The following GNA12 variants were observed in gnomAD, a reference collection of about 807,000 sequenced individuals.
The protein encoded by GNA12 is guanine nucleotide-binding protein subunit alpha-12.
A neutral mutation model predicts 26.0 loss-of-function variants in GNA12; 9 were observed. The observed-to-expected ratio is 0.35, with a 90% CI of 0.21 to 0.60. The LOEUF is 0.60. Ranked by LOEUF, GNA12 falls within the 20% of genes least tolerant of loss-of-function variation. The pLI is 0.78. For missense variants in GNA12, 405 were observed against 525.8 expected (o/e 0.77, Z 2.25); for synonymous variants, 264 against 219.6 (o/e 1.20, Z -1.79).
chr7:2,748,800 A>T (rs1007186285), intron 2 of GNA12, among the ~76,000 whole-genome samples: 1 of 152,024 alleles, frequency 6.6e-6, no homozygotes. Context: ...CAATGAACTC[A>T]AACAAATTTA....
At chr7:2,774,595 G>A (rs564961931) in intron 2 of GNA12, among the ~76,000 whole-genome samples, 1 of 152,182 alleles carries the variant, frequency 6.6e-6, no homozygotes, top group South Asian at 2.1e-4. Flanking sequence ...GGGGGTCCAG[G>A]TTGCTAATGT....
At chr7:2,836,527 C>G (rs1325011786) in intron 1 of GNA12, among the ~76,000 whole-genome samples, 1 of 152,118 alleles carries the variant, frequency 6.6e-6, no homozygotes. Context: ...CCAAAAGGTA[C>G]AGAGAAAAAG....
chr7:2,736,629 G>A (rs1271160067), intron 2 of GNA12, among the ~76,000 whole-genome samples: 1 of 152,240 alleles, frequency 6.6e-6, no homozygotes, highest in Non-Finnish European at 1.5e-5. Context: ...ACACTGGGCA[G>A]GACCTAGGCC....
At chr7:2,835,422 C>G (rs531740925) in intron 1 of GNA12, among the ~76,000 whole-genome samples, 15 of 152,338 alleles carry the variant, frequency 9.8e-5, no homozygotes, top group Non-Finnish European at 1.6e-4. Context: ...GTTGCCGGTC[C>G]CTTTAACTGG....
At chr7:2,799,025 A>G (rs1168032718) in intron 1 of GNA12, among the ~76,000 whole-genome samples, 1 of 152,214 alleles carries the variant, frequency 6.6e-6, no homozygotes, top group Non-Finnish European at 1.5e-5. Context: ...ATCAAATCAA[A>G]ATGTAGAACT....
At chr7:2,760,851 G>A (rs776666716) in intron 2 of GNA12, among the ~76,000 whole-genome samples, 8 of 152,222 alleles carry the variant, frequency 5.3e-5, no homozygotes, top group Non-Finnish European at 5.9e-5. Context: ...AGAGGCTGGT[G>A]ACACGAGGAA....
chr7:2,754,558 C>G (rs1326990980), intron 2 of GNA12, among the ~76,000 whole-genome samples: 3 of 149,052 alleles, frequency 2.0e-5, no homozygotes, highest in Non-Finnish European at 4.4e-5. Context: ...ACCTGGGCAA[C>G]ATAGTGAGAC....
At chr7:2,838,817 T>TA (rs1562452601) in intron 1 of GNA12, among the ~76,000 whole-genome samples, 1 of 152,196 alleles carries the variant, frequency 6.6e-6, no homozygotes, top group African/African-American at 2.4e-5. Context: ...CATTACATAA[T>TA]AAAAAAGGTT....
chr7:2,801,520 C>T (rs1057117527), intron 1 of GNA12, among the ~76,000 whole-genome samples: 34 of 152,264 alleles, frequency 2.2e-4, no homozygotes, highest in Middle Eastern at 3.4e-3. Context: ...CCGCACAATC[C>T]GCCCAAGCAG....
rs369092859 is a variant in GNA12, at chr7:2,798,462, T to A, written c.310-3319A>T. 2.0e-5 allele frequency among the ~76,000 whole-genome samples: 3 copies of A among 152,158 alleles called. No homozygotes were observed. In the South Asian group the frequency reaches 6.2e-4, roughly 31 times the overall value. On this transcript the variant is annotated intron_variant, in intron 1 of 3. Coordinates refer to ENST00000275364, the MANE Select transcript of GNA12 (RefSeq NM_007353.3). Reference sequence around the variant, plus strand: ...ACTAAAAAAACGAAACAGGTATAAATCTAACAAAATATGTGTAGGACTTAT... The same window carrying A: ...ACTAAAAAAACGAAACAGGTATAAAACTAACAAAATATGTGTAGGACTTAT...
intron 1 of GNA12, among the ~76,000 whole-genome samples, chr7:2,843,480 A>C (rs1327304123): frequency 6.6e-6 from 1 of 151,682 alleles, no homozygotes; most frequent in Non-Finnish European, 1.5e-5. Flanking sequence ...CCCCATCTCT[A>C]CAAAAAAAAA....
At chr7:2,839,894 G>A (rs1028549230) in intron 1 of GNA12, among the ~76,000 whole-genome samples, 1 of 152,118 alleles carries the variant, frequency 6.6e-6, no homozygotes, top group Non-Finnish European at 1.5e-5. Context: ...AGCTACCTGG[G>A]AGGCTGGGAC....
Position 2,731,175 on chromosome 7 carries a change from C to T in GNA12, c.*6G>A. 6.3e-7 allele frequency: 1 copy of T among 1,596,514 alleles called. No individual in the cohort carries two copies. Among genetic ancestry groups the T allele is most frequent in the Non-Finnish European group, 8.6e-7 (1 of 1,168,424 alleles). ...TCAACGACGACAAACCCCGGGGCTT[C>T]CTCGCTCACTGCAGCATGATGTCCT... On this transcript the variant is annotated 3_prime_UTR_variant, in exon 4 of 4. Coordinates refer to ENST00000275364, the MANE Select transcript of GNA12 (RefSeq NM_007353.3). This position sits in a 1 kb window ranked among gnomAD's most constrained non-coding sequence, Gnocchi z 6.0.
intron 1 of GNA12, among the ~76,000 whole-genome samples, chr7:2,837,930 A>G (rs1778886593): frequency 2.0e-5 from 3 of 151,456 alleles, no homozygotes; most frequent in Non-Finnish European, 1.5e-5. Flanking sequence ...ATCACAGTTG[A>G]TGACTGAAGT....
At chr7:2,764,327 C>G (rs1052742824) in intron 2 of GNA12, among the ~76,000 whole-genome samples, 1 of 151,958 alleles carries the variant, frequency 6.6e-6, no homozygotes. Flanking sequence ...GAGTGATCCT[C>G]CCATCTCAGC....
chr7:2,761,532 G>A (rs77737601), intron 2 of GNA12, among the ~76,000 whole-genome samples: 1,818 of 152,278 alleles, frequency 0.012, 41 homozygotes, highest in African/African-American at 0.041. Context: ...GAGCTGGAAC[G>A]GACAGCATCG....
At chr7:2,735,013 G>A (rs1284639019) in intron 2 of GNA12, among the ~76,000 whole-genome samples, 4 of 152,248 alleles carry the variant, frequency 2.6e-5, no homozygotes, top group Non-Finnish European at 4.4e-5. Flanking sequence ...TGGGGCAGCC[G>A]CCTTCCCGTG....
At chr7:2,835,747 A>G in intron 1 of GNA12, 1 of 825,372 alleles carries the variant, frequency 1.2e-6, no homozygotes, top group Non-Finnish European at 2.1e-6. Flanking sequence ...AATAGAAGTA[A>G]AACAGAAACA....
chr7:2,815,053 C>G, intron 1 of GNA12: 1 of 1,476,502 alleles, frequency 6.8e-7, no homozygotes, highest in Non-Finnish European at 9.0e-7. Flanking sequence ...CACCAAGCGC[C>G]GCCACTGTGG....
Sources: gnomAD v4.1 joint callset for allele counts (sites outside exome capture counted in the v4.1 genomes callset) on GRCh38, gnomAD v4.1.1 for gene constraint, Gnocchi (gnomAD v3.1) non-coding constraint, MANE v1.5 for transcripts, NCBI Gene and HGNC (gene_info 2026-07-23, HGNC 2026-07-21) for gene names.